The following NBPF3 variants were observed in gnomAD, a reference collection of about 807,000 sequenced individuals.
The protein encoded by NBPF3 is NBPF member 3, also known as NBPF family member NBPF3.
A neutral mutation model predicts 78.1 loss-of-function variants in NBPF3; 57 were observed. That is an observed-to-expected ratio of 0.73 (90% confidence interval 0.59 to 0.91). The LOEUF (loss-of-function observed/expected upper bound fraction) is 0.91. NBPF3 is among the 40% of genes least tolerant of loss of function. The pLI is 0.00. For missense variants in NBPF3, 510 were observed against 715.3 expected, an observed-to-expected ratio of 0.71 and a Z score of 3.27; for synonymous variants, 182 against 271.7, an observed-to-expected ratio of 0.67 and a Z score of 3.25.
intron 8 of NBPF3, 156 bp from the exon 9 acceptor site, chr1:21,477,988 G>C: frequency 6.6e-7 from 1 of 1,521,374 alleles, no homozygotes; most frequent in Non-Finnish European, 9.0e-7. Flanking sequence ...CCTCCAGCCT[G>C]CATTTAGAAG....
intron 2 of NBPF3, among the ~76,000 whole-genome samples, chr1:21,451,265 G>T (rs1318571776): frequency 2.0e-5 from 3 of 152,130 alleles, no homozygotes; most frequent in African/African-American, 7.2e-5. Context: ...TTCATATTAT[G>T]AATAAAACTG....
chr1:21,472,727 G>T, intron 5 of NBPF3, 116 bp from the exon 6 acceptor site: 1 of 803,136 alleles, frequency 1.2e-6, no homozygotes. Context: ...AAACATGAGA[G>T]CTTTCAGCTG....
chr1:21,479,941 T>C (rs949128515), intron 10 of NBPF3, 110 bp from the exon 11 acceptor site: 8 of 756,560 alleles, frequency 1.1e-5, no homozygotes. Flanking sequence ...CATTAATAGA[T>C]CTGTCCTTTT....
intron 2 of NBPF3, among the ~76,000 whole-genome samples, chr1:21,464,948 C>G (rs1178378014): frequency 2.7e-5 from 4 of 146,286 alleles, no homozygotes; most frequent in Non-Finnish European, 5.9e-5. Flanking sequence ...TCAAGGTTGC[C>G]GTGATCTATA....
intron 2 of NBPF3, among the ~76,000 whole-genome samples, chr1:21,445,595 T>G (rs1169752511): frequency 6.6e-6 from 1 of 151,550 alleles, no homozygotes; most frequent in Non-Finnish European, 1.5e-5. Context: ...TCTTCAGCTT[T>G]GATGGCTCAC....
chr1:21,446,495 C>CCTTCCTTCCT (rs1640986267), intron 2 of NBPF3: 1 of 74,586 alleles, frequency 1.3e-5, no homozygotes, highest in Admixed American at 1.9e-4. Flanking sequence ...CCTTCCTTCC[C>CCTTCCTTCCT]TACTTCCCTC....
At position 21,475,554 on chromosome 1, in the gene NBPF3, T is replaced by G. The variant is rs377615491; in HGVS notation, c.992+603T>G. On this transcript the variant is annotated intron_variant, in intron 8 of 14. Coordinates refer to ENST00000318249, the MANE Select transcript of NBPF3 (RefSeq NM_032264.6). ...TCAGGAGCAGGTTGTTCAGTTTCCATGTAGTTGTGCAGTTTTGAGTGAGTT... is the reference window on the plus strand; with the variant it reads ...TCAGGAGCAGGTTGTTCAGTTTCCAGGTAGTTGTGCAGTTTTGAGTGAGTT... Among the ~76,000 whole-genome samples, 37 of 152,360 alleles carry G rather than the reference T, an allele frequency of 2.4e-4. 2 individuals carry two copies. The highest frequency in any genetic ancestry group is 7.9e-4 in the African/African-American group (33 of 41,568).
At chr1:21,467,406 T>G in intron 2 of NBPF3, 1 of 884,906 alleles carries the variant, frequency 1.1e-6, no homozygotes, top group Non-Finnish European at 1.4e-6. Flanking sequence ...GCTGAGAAAG[T>G]GAGGAGGTGG....
intron 2 of NBPF3, among the ~76,000 whole-genome samples, chr1:21,467,855 A>C (rs1642364046): frequency 6.6e-6 from 1 of 152,348 alleles, no homozygotes; most frequent in African/African-American, 2.4e-5. Context: ...ATAGAGGAAG[A>C]GCTCTGGACA....
intron 2 of NBPF3, among the ~76,000 whole-genome samples, chr1:21,458,154 G>C (rs933048060): frequency 6.6e-6 from 1 of 152,210 alleles, no homozygotes; most frequent in African/African-American, 2.4e-5. Context: ...CTAAATCACA[G>C]AGGTTTGGGG....
At chr1:21,458,561 C>T (rs895804715) in intron 2 of NBPF3, among the ~76,000 whole-genome samples, 1 of 152,038 alleles carries the variant, frequency 6.6e-6, no homozygotes, top group African/African-American at 2.4e-5. Context: ...CACAGTATAG[C>T]CACACAAAGG....
intron 5 of NBPF3, 69 bp from the exon 6 acceptor site, chr1:21,472,772 GCA>G (rs1642668771): frequency 1.9e-6 from 2 of 1,053,588 alleles, no homozygotes; most frequent in Non-Finnish European, 3.0e-6. Context: ...ATGTCTGTGT[GCA>G]CATTCGGCTG....
At chr1:21,482,290 A>G (rs1348177506) in intron 13 of NBPF3, among the ~76,000 whole-genome samples, 194 bp from the exon 14 acceptor site, 22 of 128,456 alleles carry the variant, frequency 1.7e-4, no homozygotes, top group Non-Finnish European at 3.3e-5. Flanking sequence ...GGGACATTTT[A>G]CCCTTAGTTT....
In NBPF3 at chr1:21,460,320, C is replaced by T. The variant is rs1166101251; in HGVS notation, c.134-8368C>T. ...ACATGTGCCATGTTGGTTTGCTGCA[C>T]CCATTAACTCGTCATTTACATTCGG... On this transcript the variant is annotated intron_variant, in intron 2 of 14. Transcript: ENST00000318249. This position sits in a 1 kb window ranked among gnomAD's most constrained non-coding sequence, Gnocchi z 4.2. Among the ~76,000 whole-genome samples, 1 of 152,112 alleles carries T rather than the reference C, an allele frequency of 6.6e-6. No individual in the cohort carries two copies. The highest frequency in any genetic ancestry group is 1.5e-5 in the Non-Finnish European group (1 of 68,038).
At position 21,471,880 on chromosome 1, in the gene NBPF3, T is replaced by A. The variant is rs1021928963; in HGVS notation, c.661+97T>A. Reference sequence around the variant, plus strand: ...CAATGACATTTGTATCGGTGGTGTTTTTTCCCACTAAACGTATGTGGCCGT... The same window carrying A: ...CAATGACATTTGTATCGGTGGTGTTATTTCCCACTAAACGTATGTGGCCGT... On this transcript the variant is annotated intron_variant, in intron 5 of 14. Coordinates refer to ENST00000318249, the MANE Select transcript of NBPF3 (RefSeq NM_032264.6). 14 of 1,506,952 alleles carry A rather than the reference T, an allele frequency of 9.3e-6. No homozygotes were observed. The African/African-American group carries it at 1.8e-4, about 19-fold the overall frequency. 93.3% of individuals were successfully genotyped at this position (1,506,952 alleles called of 1,614,324 possible).
intron 8 of NBPF3, 124 bp from the exon 9 acceptor site, chr1:21,478,020 G>T (rs1450918101): frequency 6.3e-7 from 1 of 1,599,478 alleles, no homozygotes; most frequent in Non-Finnish European, 8.5e-7. Flanking sequence ...TTCTCTTGAA[G>T]GAAAAATGCC....
At position 21,472,898 on chromosome 1, in the gene NBPF3, G is replaced by A. The variant is rs1642678523; in HGVS notation, c.717G>A (p.Gln239=). ...AAGTTGAGGAGGCTGAGAAAGTACA[G>A]GAATTATATGCCCCCAGGTAACGCT... ...DVKVEEAEKV[Q]ELYAPREVQK... The change falls in exon 6 of 15, where the codon CAG becomes CAA. Residue 239 remains glutamine, a synonymous_variant. Transcript: ENST00000318249. 1 of 1,611,600 alleles carries A rather than the reference G, an allele frequency of 6.2e-7. No homozygotes were observed. The highest frequency in any genetic ancestry group is 8.5e-7 in the Non-Finnish European group (1 of 1,177,794).
At chr1:21,448,639 C>T (rs1211294676) in intron 2 of NBPF3, among the ~76,000 whole-genome samples, 1 of 152,150 alleles carries the variant, frequency 6.6e-6, no homozygotes, top group Admixed American at 6.5e-5. Flanking sequence ...AACTTGGAAA[C>T]GTGTGAGATT....
intron 1 of NBPF3, among the ~76,000 whole-genome samples, chr1:21,444,602 A>G (rs1330932637): frequency 6.6e-6 from 1 of 152,138 alleles, no homozygotes; most frequent in Non-Finnish European, 1.5e-5. Flanking sequence ...CAGTGGTGCC[A>G]TCATAGCTCA....
Sources: gnomAD v4.1 joint callset for allele counts (sites outside exome capture counted in the v4.1 genomes callset) on GRCh38, gnomAD v4.1.1 for gene constraint, Gnocchi (gnomAD v3.1) non-coding constraint, MANE v1.5 for transcripts, NCBI Gene and HGNC (gene_info 2026-07-23, HGNC 2026-07-21) for gene names.